MAP3K9: variants seen among roughly 807,000 people sequenced by gnomAD.
MAP3K9 encodes the protein mitogen-activated protein kinase kinase kinase 9.
A neutral mutation model predicts 95.8 loss-of-function variants in MAP3K9; 46 were observed. That is an observed-to-expected ratio of 0.48 (90% CI 0.38 to 0.61). The LOEUF is 0.61. MAP3K9 is among the 20% of genes least tolerant of loss of function. MAP3K9 has a pLI of 0.00. For missense variants in MAP3K9, 1,296 were observed against 1,474.3 expected, an observed-to-expected ratio of 0.88 and a Z score of 1.98; for synonymous variants, 533 against 593.8, an observed-to-expected ratio of 0.90 and a Z score of 1.49.
intron 2 of MAP3K9, among the ~76,000 whole-genome samples, chr14:70,784,065 C>G (rs770680565): frequency 2.6e-5 from 4 of 152,096 alleles, no homozygotes; most frequent in Non-Finnish European, 4.4e-5. Context: ...AGGCAGATAG[C>G]CTGAAGTCAG....
chr14:70,797,648 G>A (rs1478066210), intron 2 of MAP3K9, among the ~76,000 whole-genome samples: 3 of 152,080 alleles, frequency 2.0e-5, no homozygotes, highest in African/African-American at 7.2e-5. Context: ...CGAGGCAGGA[G>A]AATTACTTGA....
rs564853398 is a variant in MAP3K9 at position 70,799,581 on chromosome 14, T to C, written c.820+1086A>G. Among the ~76,000 whole-genome samples, 442 of 152,228 alleles carry C rather than the reference T, an allele frequency of 2.9e-3. 1 individual carries two copies. The Middle Eastern group carries it at 0.034, about 12-fold the overall frequency. On this transcript the variant is annotated intron_variant, in intron 2 of 11. Coordinates refer to ENST00000554752, the MANE Select transcript of MAP3K9 (RefSeq NM_001284230.2). Reference sequence around the variant, plus strand: ...GTCTCGATCTCCTGACCTCATGATCTGCCCGCCTTGGCCTCCCAAAGTGCT... The same window carrying C: ...GTCTCGATCTCCTGACCTCATGATCCGCCCGCCTTGGCCTCCCAAAGTGCT...
intron 6 of MAP3K9, among the ~76,000 whole-genome samples, chr14:70,741,365 T>C (rs985524579): frequency 2.0e-5 from 3 of 152,138 alleles, no homozygotes; most frequent in Admixed American, 1.3e-4. Context: ...GCTGGGATTA[T>C]AGGCATGAGC....
At chr14:70,793,684 C>CA in intron 2 of MAP3K9, among the ~76,000 whole-genome samples, 1 of 102,858 alleles carries the variant, frequency 9.7e-6, no homozygotes, top group Non-Finnish European at 2.1e-5. Context: ...TCATTCATTC[C>CA]TTTTATCTAT....
intron 1 of MAP3K9, among the ~76,000 whole-genome samples, chr14:70,805,891 C>T (rs906590545): frequency 6.6e-6 from 1 of 152,128 alleles, no homozygotes; most frequent in African/African-American, 2.4e-5. Flanking sequence ...TATGCCACTG[C>T]ACTTCAGCCT....
rs1327507793 is a variant in MAP3K9, at chr14:70,729,147, G to GA, written c.*1232dup. The GA allele has an allele frequency of 6.6e-6, 1 of 152,218 alleles. No homozygotes were observed. Among genetic ancestry groups the GA allele is most frequent in the African/African-American group, 2.4e-5 (1 of 41,440 alleles). The allele number at this position is 152,218 out of a possible 1,614,324, so 9.4% of individuals were successfully genotyped here. On this transcript the variant is annotated 3_prime_UTR_variant, in exon 12 of 12. Coordinates refer to ENST00000554752, the MANE Select transcript of MAP3K9 (RefSeq NM_001284230.2). ...GCCTTGGTCAGTTTTCAGTATGGGG[G>GA]ACCTCAAGGTTATTGTACATCAGCG...
intron 5 of MAP3K9, among the ~76,000 whole-genome samples, 184 bp downstream of exon 5, chr14:70,748,645 T>C (rs2054182326): frequency 6.6e-6 from 1 of 152,228 alleles, no homozygotes; most frequent in African/African-American, 2.4e-5. Flanking sequence ...ACTGGGATTT[T>C]GCCCAACTGC....
chr14:70,726,214 G>A lies in MAP3K9; in HGVS notation c.*4166C>T, dbSNP rs986820869. 1 of 152,318 alleles carries A rather than the reference G, an allele frequency of 6.6e-6. No homozygotes were observed. The highest frequency in any genetic ancestry group is 6.5e-5 in the Admixed American group (1 of 15,282). 9.4% of individuals were successfully genotyped at this position (152,318 alleles called of 1,614,324 possible). A position where few individuals can be genotyped will look rare whatever the true frequency, so the allele number is the denominator to read the frequency against. On this transcript the variant is annotated 3_prime_UTR_variant, in exon 12 of 12. Coordinates refer to ENST00000554752, the MANE Select transcript of MAP3K9 (RefSeq NM_001284230.2). ...ACACAAGGGAAGGAGGAGGGAGGGA[G>A]GTCTCCAATGTGGGGACCACAGAGG...
At chr14:70,765,502 C>T in intron 2 of MAP3K9, 1 of 680,230 alleles carries the variant, frequency 1.5e-6, no homozygotes, top group South Asian at 1.6e-5. Flanking sequence ...AAAGAAGTAC[C>T]ATTTTTTATT....
At position 70,742,544 on chromosome 14, in the gene MAP3K9, C is replaced by T. The variant is rs530580197; in HGVS notation, c.1374G>A (p.Gln458=). The T allele has an allele frequency of 1.2e-6, 2 of 1,614,242 alleles. No homozygotes were observed. Among genetic ancestry groups the T allele is most frequent in the East Asian group, 4.5e-5 (2 of 44,890 alleles). ...EEELTRAALQ[Q]KNQEELLRRR... ...GCCGCAGCAGTTCCTCCTGGTTCTT[C>T]TGCTGCAGTGCAGCCCGCGTCAGCT... Residue 458 remains glutamine (Q), a synonymous_variant, in exon 6 of 12, where the codon CAG becomes CAA. Coordinates refer to ENST00000554752, the MANE Select transcript of MAP3K9 (RefSeq NM_001284230.2).
In MAP3K9 at chr14:70,765,868, G is replaced by A. The variant is rs113822502; in HGVS notation, c.821-4686C>T. On this transcript the variant is annotated intron_variant, in intron 2 of 11. Coordinates refer to ENST00000554752, the MANE Select transcript of MAP3K9 (RefSeq NM_001284230.2). ...TATAAGTACACTCTGATGTTCGCACGATGATGAAATTGCCTAATGATGCAT... is the reference window on the plus strand; with the variant it reads ...TATAAGTACACTCTGATGTTCGCACAATGATGAAATTGCCTAATGATGCAT... Among the ~76,000 whole-genome samples, 700 of 151,926 alleles carry A rather than the reference G, an allele frequency of 4.6e-3. 6 individuals are homozygous for A. The highest frequency in any genetic ancestry group is 0.016 in the African/African-American group (678 of 41,432).
intron 9 of MAP3K9, among the ~76,000 whole-genome samples, chr14:70,735,392 G>A (rs2053972025): frequency 6.8e-6 from 1 of 146,460 alleles, no homozygotes; most frequent in Non-Finnish European, 1.5e-5. Flanking sequence ...TTAAGTCTAG[G>A]AAGAATCATT....
At chr14:70,804,479 G>C (rs1356844468) in intron 1 of MAP3K9, among the ~76,000 whole-genome samples, 1 of 152,110 alleles carries the variant, frequency 6.6e-6, no homozygotes, top group Non-Finnish European at 1.5e-5. Context: ...TGTTTTTCTA[G>C]CAGCTTTTAC....
intron 2 of MAP3K9, among the ~76,000 whole-genome samples, chr14:70,773,215 T>C (rs1413903428): frequency 2.0e-5 from 3 of 152,196 alleles, no homozygotes; most frequent in African/African-American, 7.2e-5. Context: ...GAATTACCTG[T>C]CTGCTTCCAT....
chr14:70,739,976 T>C (rs2054045758), intron 7 of MAP3K9, 66 bp downstream of exon 7: 3 of 1,614,210 alleles, frequency 1.9e-6, no homozygotes, highest in East Asian at 4.5e-5. Context: ...AGTCGGTGGC[T>C]GGACAGAGCA....
At chr14:70,735,271 A>T (rs1287611871) in intron 9 of MAP3K9, among the ~76,000 whole-genome samples, 1 of 152,014 alleles carries the variant, frequency 6.6e-6, no homozygotes, top group Non-Finnish European at 1.5e-5. Flanking sequence ...GCCTAGAAGC[A>T]CTGGTCTTTT....
chr14:70,762,240 T>G (rs1243423054), intron 2 of MAP3K9, among the ~76,000 whole-genome samples: 1 of 152,194 alleles, frequency 6.6e-6, no homozygotes, highest in Non-Finnish European at 1.5e-5. Flanking sequence ...TGTTGTCATT[T>G]GGGGGGTACA....
At chr14:70,763,389 T>C (rs761631594) in intron 2 of MAP3K9, among the ~76,000 whole-genome samples, 1 of 152,224 alleles carries the variant, frequency 6.6e-6, no homozygotes, top group African/African-American at 2.4e-5. Flanking sequence ...CATGGCACCA[T>C]GTATTCTCAT....
rs560157591 is a variant in MAP3K9, at chr14:70,736,913, CTG to C, written c.1845-886_1845-885del. Among the ~76,000 whole-genome samples, 464 of 152,282 alleles carry C rather than the reference CTG, an allele frequency of 3.0e-3. 3 individuals carry two copies. The highest frequency in any genetic ancestry group is 0.011 in the African/African-American group (445 of 41,544). On this transcript the variant is annotated intron_variant, in intron 8 of 11. Coordinates refer to ENST00000554752, the MANE Select transcript of MAP3K9 (RefSeq NM_001284230.2). Reference sequence around the variant, plus strand: ...GAGAGTCAATCCTTTATGAATCAAACTGTTATTTTTACCTTCGGCTCAGATCT... The same window carrying C: ...GAGAGTCAATCCTTTATGAATCAAACTTATTTTTACCTTCGGCTCAGATCT...
Sources: allele counts gnomAD v4.1 joint callset (sites outside exome capture counted in the v4.1 genomes callset), GRCh38; gene constraint gnomAD v4.1.1; transcripts MANE v1.5; gene names NCBI Gene and HGNC (gene_info 2026-07-23, HGNC 2026-07-21).